Variants in ZNF18 observed in about 807,000 individuals in gnomAD.
ZNF18 encodes zinc finger protein 18.
A neutral mutation model predicts 58.1 loss-of-function variants in ZNF18; 42 were observed. The ratio of observed to expected loss-of-function variants is 0.72; its 90% CI spans 0.56 to 0.93. The LOEUF is 0.93. Among genes scored for constraint, ZNF18 ranks in the 40% least tolerant of loss-of-function variants. ZNF18 has a pLI of 0.00. For synonymous variants in ZNF18, 231 were observed against 239.8 expected, an observed-to-expected ratio of 0.96 and a Z score of 0.34; for missense variants, 540 against 644.2, an observed-to-expected ratio of 0.84 and a Z score of 1.75.
rs11545759 is a variant in ZNF18, at chr17:11,992,682, G to C, written c.148C>G (p.Gln50Glu). 2.8e-5 allele frequency: 45 copies of C among 1,614,236 alleles called. No individual in the cohort carries two copies. In the African/African-American group the frequency reaches 4.8e-4, roughly 17 times the overall value. Reference sequence around the variant, plus strand: ...GTCTCATGAGGCCCAGACATCACCTGGTAACGGAACTGCCTGAAAAGCTGG... The same window carrying C: ...GTCTCATGAGGCCCAGACATCACCTCGTAACGGAACTGCCTGAAAAGCTGG... ...ARQLFRQFRY[Q>E]VMSGPHETLK... The change falls in exon 2 of 7, where the codon CAG becomes GAG. Residue 50 changes from glutamine to glutamate, a missense_variant. Transcript: ENST00000580306.
the ZNF18 span, chr17:12,010,807 T>C: frequency 5.1e-6 from 2 of 394,746 alleles, no homozygotes; most frequent in Admixed American, 7.0e-5. Context: ...TCTCACGAAG[T>C]GTGCTTTTCT....
chr17:11,991,218 A>G, intron 2 of ZNF18, 55 bp from the exon 3 acceptor site: 1 of 1,467,844 alleles, frequency 6.8e-7, no homozygotes. Context: ...AAGGATCTCT[A>G]AAAGACACAA....
rs199958798 is a variant in ZNF18, at chr17:11,978,503, T to C, written c.1104A>G (p.Lys368=). 2.1e-4 allele frequency: 336 copies of C among 1,607,650 alleles called. No homozygotes were observed. Among genetic ancestry groups the C allele is most frequent in the Non-Finnish European group, 2.5e-4 (296 of 1,177,020 alleles). The change falls in exon 7 of 7, where the codon AAA becomes AAG. Residue 368 remains lysine, a synonymous_variant. Coordinates refer to ENST00000580306, the MANE Select transcript of ZNF18 (RefSeq NM_001303281.2). ...GATTAGGCAAATGCTGACCTAGTTG[T>C]TTCTCAGAAATCCTTTCTTGAGGAG... The part of the protein sequence containing the change: ...QLSPQERISE[K]QLGQHLPNPH...
upstream of ZNF18, among the ~76,000 whole-genome samples, chr17:11,998,645 T>C (rs1387893774): frequency 6.6e-6 from 1 of 151,954 alleles, no homozygotes; most frequent in East Asian, 1.9e-4. Context: ...TTTACAAGAA[T>C]TAAAGATCCT....
At chr17:11,995,966 A>C (rs1208555258) in intron 1 of ZNF18, among the ~76,000 whole-genome samples, 1 of 152,214 alleles carries the variant, frequency 6.6e-6, no homozygotes, top group Non-Finnish European at 1.5e-5. Context: ...AAGGAACACA[A>C]GAGAAACAAA....
In ZNF18 at chr17:11,981,318, C is replaced by CT. The variant is rs35186030; in HGVS notation, c.862+1978dup. On this transcript the variant is annotated intron_variant, in intron 6 of 6. Transcript: ENST00000580306. Reference sequence around the variant, plus strand: ...TCCTAAACCTCTTTCCACATATCCTCTTTTTTTTTTTTTTTTTTGAGACAG... The same window carrying CT: ...TCCTAAACCTCTTTCCACATATCCTCTTTTTTTTTTTTTTTTTTTGAGACAG... Among the ~76,000 whole-genome samples the CT allele has an allele frequency of 3.3e-3, 450 of 135,852 alleles. 6 individuals are homozygous for CT. Among genetic ancestry groups the CT allele is most frequent in the South Asian group, 7.4e-3 (31 of 4,190 alleles). The allele number at this position is 135,852 out of a possible 152,430, so 89.1% of individuals were successfully genotyped here.
chr17:12,003,744 C>G, the ZNF18 span, among the ~76,000 whole-genome samples: 63,425 of 152,062 alleles, frequency 0.42, 13,397 homozygotes, highest in East Asian at 0.62. Context: ...AAAAGTCATT[C>G]CATGCTTAGG....
At chr17:11,986,500 G>C (rs1444659455) in intron 4 of ZNF18, among the ~76,000 whole-genome samples, 2 of 152,202 alleles carry the variant, frequency 1.3e-5, no homozygotes, top group African/African-American at 4.8e-5. Flanking sequence ...AAGCTGAAAA[G>C]CGACCTCAAT....
chr17:12,010,450 T>C, the ZNF18 span, among the ~76,000 whole-genome samples: 1 of 151,862 alleles, frequency 6.6e-6, no homozygotes, highest in Non-Finnish European at 1.5e-5. Flanking sequence ...GGAGTCTTGC[T>C]CTCTCGCCAG....
chr17:11,991,031 G>T lies in ZNF18; in HGVS notation c.520C>A (p.Pro174Thr). ...ELGLENSSSG[P>T]GELLSHIVKE... ...ACGATGTGGCTCAGAAGCTCCCCAG[G>T]CCCTGAGGATGAATTCTCAAGTCCC... Residue 174 changes from proline (P) to threonine (T), a missense_variant, in exon 3 of 7, where the codon CCT (proline) becomes ACT (threonine). Coordinates refer to ENST00000580306, the MANE Select transcript of ZNF18 (RefSeq NM_001303281.2). The T allele has an allele frequency of 6.2e-7, 1 of 1,614,110 alleles. No individual in the cohort carries two copies. The highest frequency in any genetic ancestry group is 8.5e-7 in the Non-Finnish European group (1 of 1,180,020).
At chr17:12,006,153 A>C in the ZNF18 span, among the ~76,000 whole-genome samples, 3 of 152,188 alleles carry the variant, frequency 2.0e-5, no homozygotes, top group Non-Finnish European at 4.4e-5. Flanking sequence ...TTCATAAATA[A>C]TTGTCTATTA....
the ZNF18 span, among the ~76,000 whole-genome samples, chr17:12,013,427 T>C: frequency 6.6e-6 from 1 of 152,344 alleles, no homozygotes; most frequent in Non-Finnish European, 1.5e-5. Context: ...GCTTATCTTA[T>C]ATCTTCATGG....
At chr17:11,990,021 T>C (rs1597969888) in intron 4 of ZNF18, among the ~76,000 whole-genome samples, 2 of 152,128 alleles carry the variant, frequency 1.3e-5, no homozygotes, top group African/African-American at 2.4e-5. Context: ...ACAGGTATTA[T>C]TTCCCAAGTC....
At chr17:11,987,829 C>A (rs1967851491) in intron 4 of ZNF18, among the ~76,000 whole-genome samples, 1 of 152,160 alleles carries the variant, frequency 6.6e-6, no homozygotes. Context: ...AAAGATATTT[C>A]TCTCCCCTGC....
At chr17:12,019,694 T>C in the ZNF18 span, among the ~76,000 whole-genome samples, 1 of 152,140 alleles carries the variant, frequency 6.6e-6, no homozygotes, top group African/African-American at 2.4e-5. Context: ...ATGGATGAAA[T>C]TGGGTTTGGA....
the ZNF18 span, among the ~76,000 whole-genome samples, chr17:12,004,455 A>AC: frequency 6.6e-6 from 1 of 152,228 alleles, no homozygotes; most frequent in Non-Finnish European, 1.5e-5. Context: ...AGGCACATGT[A>AC]AACAGCAATA....
chr17:11,993,818 C>G lies in ZNF18; in HGVS notation c.-82-907G>C, dbSNP rs1160908896. ...CAGCCTGGGGGACAGAGAGAGACTC[C>G]GTCTCACAAAAAAAAAAAAAAAAAA... On this transcript the variant is annotated intron_variant, in intron 1 of 6. Transcript: ENST00000580306. Among the ~76,000 whole-genome samples, 234 of 31,692 alleles carry G rather than the reference C, an allele frequency of 7.4e-3. 1 individual carries two copies. Among genetic ancestry groups the G allele is most frequent in the African/African-American group, 0.019 (220 of 11,650 alleles). 20.8% of individuals were successfully genotyped at this position (31,692 alleles called of 152,430 possible).
chr17:12,021,337 G>T, the ZNF18 span: 7 of 166,720 alleles, frequency 4.2e-5, no homozygotes, highest in Non-Finnish European at 6.4e-5. Context: ...CGCCCGCCCG[G>T]CCCCCGTTTC....
At chr17:11,998,582 A>G (rs544439877), upstream of ZNF18, among the ~76,000 whole-genome samples, 37 of 150,946 alleles carry the variant, frequency 2.5e-4, no homozygotes, top group African/African-American at 8.7e-4. Context: ...TGTCATTATC[A>G]TAACATGTCC....
Sources: gnomAD v4.1 joint callset for allele counts (sites outside exome capture counted in the v4.1 genomes callset) on GRCh38, gnomAD v4.1.1 for gene constraint, MANE v1.5 for transcripts, NCBI Gene and HGNC (gene_info 2026-07-23, HGNC 2026-07-21) for gene names.